The following STIM1 variants were observed in gnomAD, a reference collection of about 807,000 sequenced individuals.
STIM1 encodes the protein stromal interaction molecule 1.
In STIM1, 25 loss-of-function variants were observed where a neutral mutation model predicts 74.7. The observed-to-expected ratio is 0.33, with a 90% CI of 0.24 to 0.47. The LOEUF is 0.47. Ranked by LOEUF, STIM1 falls within the 20% of genes least tolerant of loss-of-function variation. STIM1 has a pLI of 1.00. For missense variants in STIM1, 728 were observed against 920.8 expected, an observed-to-expected ratio of 0.79 and a Z score of 2.71; for synonymous variants, 328 against 348.8, an observed-to-expected ratio of 0.94 and a Z score of 0.66.
At chr11:3,963,213 T>G (rs1453400921) in intron 1 of STIM1, among the ~76,000 whole-genome samples, 2 of 152,200 alleles carry the variant, frequency 1.3e-5, no homozygotes, top group East Asian at 3.8e-4. Context: ...CCATTAGTTA[T>G]TTTTCCTCAT....
intron 6 of STIM1, among the ~76,000 whole-genome samples, chr11:4,073,515 G>T (rs1358467428): frequency 6.6e-6 from 1 of 152,196 alleles, no homozygotes; most frequent in Non-Finnish European, 1.5e-5. Flanking sequence ...CTCCTCAGTG[G>T]CAGGGAGAGC....
intron 1 of STIM1, among the ~76,000 whole-genome samples, chr11:3,861,469 C>T (rs1038485520): frequency 2.6e-5 from 4 of 152,184 alleles, no homozygotes; most frequent in East Asian, 1.9e-4. Flanking sequence ...CTCCTGACTT[C>T]GTGATCTGCC....
chr11:4,091,072 C>T (rs970874676), intron 12 of STIM1, among the ~76,000 whole-genome samples: 10 of 151,950 alleles, frequency 6.6e-5, no homozygotes, highest in Admixed American at 6.6e-4. Flanking sequence ...CTCTCTTATC[C>T]TATACTTATG....
intron 12 of STIM1, among the ~76,000 whole-genome samples, chr11:4,087,764 T>C (rs1274682598): frequency 1.3e-5 from 2 of 149,268 alleles, no homozygotes; most frequent in Non-Finnish European, 3.0e-5. Flanking sequence ...AAAGACATGA[T>C]AAATTTGGTA....
intron 1 of STIM1, among the ~76,000 whole-genome samples, chr11:3,912,510 A>C (rs1376432601): frequency 6.6e-6 from 1 of 151,370 alleles, no homozygotes; most frequent in African/African-American, 2.4e-5. Context: ...GATTACAGGT[A>C]CCCACCATGA....
chr11:3,859,231 A>G (rs1332117603), intron 1 of STIM1, among the ~76,000 whole-genome samples: 15 of 152,238 alleles, frequency 9.9e-5, no homozygotes, highest in Non-Finnish European at 2.2e-4. Flanking sequence ...AATAAACACT[A>G]TGAAAGCCTG....
chr11:4,003,735 C>T (rs1565144664), intron 2 of STIM1, among the ~76,000 whole-genome samples: 2 of 152,026 alleles, frequency 1.3e-5, no homozygotes, highest in Non-Finnish European at 2.9e-5. Context: ...AAGTTCTGGC[C>T]AGGGCAACTA....
upstream of STIM1, chr11:3,855,645 G>T (rs1456828510): frequency 1.3e-4 from 17 of 135,780 alleles, no homozygotes; most frequent in Admixed American, 1.1e-3. Context: ...GGCCCGCCCC[G>T]CGCCGCCCGC....
chr11:3,914,018 A>C (rs549652075), intron 1 of STIM1, among the ~76,000 whole-genome samples: 234 of 152,264 alleles, frequency 1.5e-3, no homozygotes, highest in Non-Finnish European at 2.7e-3. Context: ...ATAAGTATAC[A>C]ATTTAATTAC....
At chr11:4,024,527 G>A (rs2923953) in intron 3 of STIM1, among the ~76,000 whole-genome samples, 65,870 of 151,988 alleles carry the variant, frequency 0.43, 16,583 homozygotes, top group Non-Finnish European at 0.57. Context: ...CATTTTCTCA[G>A]CCTCCTTCTT....
intron 6 of STIM1, among the ~76,000 whole-genome samples, 178 bp downstream of exon 6, chr11:4,070,381 C>T (rs1404811403): frequency 6.6e-6 from 1 of 152,190 alleles, no homozygotes; most frequent in African/African-American, 2.4e-5. Flanking sequence ...TGCTATTGGG[C>T]AGTTATTCCT....
chr11:3,911,148 A>T (rs192940670), intron 1 of STIM1, among the ~76,000 whole-genome samples: 1 of 152,200 alleles, frequency 6.6e-6, no homozygotes, highest in Non-Finnish European at 1.5e-5. Flanking sequence ...AGCAGCAAGG[A>T]TGAGACTCCA....
intron 2 of STIM1, among the ~76,000 whole-genome samples, chr11:4,007,344 T>G (rs1204005872): frequency 1.3e-5 from 2 of 152,220 alleles, no homozygotes; most frequent in African/African-American, 4.8e-5. Flanking sequence ...CTGTTTAGCT[T>G]TGTTATCACC....
chr11:4,086,478 C>A lies in STIM1; in HGVS notation c.1569C>A (p.Ala523=), dbSNP rs1253138742. 1 of 1,614,034 alleles carries A rather than the reference C, an allele frequency of 6.2e-7. No individual in the cohort carries two copies. The change falls in exon 12 of 13, where the codon GCC becomes GCA. Residue 523 remains alanine, a splice_region_variant and synonymous_variant. Coordinates refer to ENST00000526596, the MANE Select transcript of STIM1 (RefSeq NM_001382567.1). ...SDDQSLWKYP[A]PSLQSSVRQR... Reference sequence around the variant, plus strand: ...ACACTTTCTTTATTCTCCTTGCAGCCCCTAGCCTGCAGAGCAGTGTTCGGC... The same window carrying A: ...ACACTTTCTTTATTCTCCTTGCAGCACCTAGCCTGCAGAGCAGTGTTCGGC...
At chr11:3,920,478 G>A (rs1431215817) in intron 1 of STIM1, among the ~76,000 whole-genome samples, 1 of 152,056 alleles carries the variant, frequency 6.6e-6, no homozygotes, top group East Asian at 1.9e-4. Flanking sequence ...CACTTAGTAT[G>A]ATTTTAATAT....
chr11:3,873,046 G>A (rs1436237592), intron 1 of STIM1, among the ~76,000 whole-genome samples: 3 of 151,402 alleles, frequency 2.0e-5, no homozygotes, highest in African/African-American at 7.3e-5. Context: ...ACTCCTGGGC[G>A]TAAATGATCC....
At chr11:3,990,613 T>G (rs576800961) in intron 2 of STIM1, among the ~76,000 whole-genome samples, 1 of 152,328 alleles carries the variant, frequency 6.6e-6, no homozygotes, top group South Asian at 2.1e-4. Context: ...TCAACACTTG[T>G]TATTGTCTGA....
chr11:3,858,255 T>G (rs1366886274), intron 1 of STIM1, among the ~76,000 whole-genome samples: 2 of 88,632 alleles, frequency 2.3e-5, no homozygotes, highest in Non-Finnish European at 3.1e-5. Flanking sequence ...TTGTTTTTTG[T>G]TTTTCGCCTG....
chr11:4,036,102 C>T (rs1192003004), intron 3 of STIM1, among the ~76,000 whole-genome samples: 1 of 152,118 alleles, frequency 6.6e-6, no homozygotes, highest in Non-Finnish European at 1.5e-5. Context: ...TGAGAACATG[C>T]ACTGTTTGGT....
Sources: allele counts gnomAD v4.1 joint callset (sites outside exome capture counted in the v4.1 genomes callset), GRCh38; gene constraint gnomAD v4.1.1; transcripts MANE v1.5; gene names NCBI Gene and HGNC (gene_info 2026-07-23, HGNC 2026-07-21).